MRNIP: variants seen among roughly 807,000 people sequenced by gnomAD.
The protein encoded by MRNIP is MRN complex interacting protein.
In MRNIP, 30 loss-of-function variants were observed where a neutral mutation model predicts 29.8. The observed-to-expected ratio is 1.01, with a 90% confidence interval of 0.75 to 1.36. The LOEUF is 1.36. Among genes scored for constraint, MRNIP ranks in the 40% most tolerant of loss-of-function variants. The pLI is 0.00. For missense variants in MRNIP, 459 were observed against 423.5 expected (o/e 1.08, Z -0.74); for synonymous variants, 201 against 164.1 (o/e 1.23, Z -1.72).
intron 6 of MRNIP, chr5:179,838,159 T>G (rs933258640): frequency 1.9e-6 from 1 of 520,902 alleles, no homozygotes; most frequent in African/African-American, 1.9e-5. Context: ...CTGGGGACCT[T>G]AGAATCAGGT....
chr5:179,851,146 A>C (rs1759349699), intron 2 of MRNIP: 1 of 448,296 alleles, frequency 2.2e-6, no homozygotes, highest in Admixed American at 2.4e-5. Context: ...CACACAGCAC[A>C]GAGGCATTGA....
chr5:179,845,251 G>A (rs1302507252), intron 3 of MRNIP, among the ~76,000 whole-genome samples: 1 of 151,522 alleles, frequency 6.6e-6, no homozygotes, highest in Non-Finnish European at 1.5e-5. Context: ...CCAGGCTGGT[G>A]TGCAGTGGCA....
At chr5:179,842,517 A>G (rs1416470830) in intron 4 of MRNIP, among the ~76,000 whole-genome samples, 2 of 111,030 alleles carry the variant, frequency 1.8e-5, no homozygotes, top group Admixed American at 8.0e-5. Flanking sequence ...CGTCTCTACT[A>G]AAAAAAAAAC....
At chr5:179,849,684 C>A (rs1182758782) in intron 2 of MRNIP, among the ~76,000 whole-genome samples, 12 of 150,746 alleles carry the variant, frequency 8.0e-5, no homozygotes, top group Admixed American at 7.3e-4. Context: ...TGCTATGGCA[C>A]AGGCAGATGG....
chr5:179,846,713 C>T (rs1181705875), intron 3 of MRNIP, among the ~76,000 whole-genome samples: 3 of 152,144 alleles, frequency 2.0e-5, no homozygotes, highest in African/African-American at 7.2e-5. Flanking sequence ...ATGTAAAAGG[C>T]TGAAAAACCA....
chr5:179,854,938 G>C (rs1189273080), intron 1 of MRNIP, among the ~76,000 whole-genome samples: 1 of 152,120 alleles, frequency 6.6e-6, no homozygotes, highest in Non-Finnish European at 1.5e-5. Context: ...GAACAAGCCA[G>C]GGTTGCCCGC....
At chr5:179,844,442 G>A (rs762776704) in intron 3 of MRNIP, 1 of 475,156 alleles carries the variant, frequency 2.1e-6, no homozygotes, top group Non-Finnish European at 3.8e-6. Context: ...GAAGGCAGAG[G>A]CTGCAGTGAG....
chr5:179,844,942 A>C (rs1759069272), intron 3 of MRNIP, among the ~76,000 whole-genome samples: 1 of 152,144 alleles, frequency 6.6e-6, no homozygotes, highest in Non-Finnish European at 1.5e-5. Context: ...GTGTTTCCTT[A>C]ATCTAAAAAT....
chr5:179,851,209 C>T (rs1014116976), intron 2 of MRNIP: 1 of 454,974 alleles, frequency 2.2e-6, no homozygotes, highest in East Asian at 6.9e-5. Flanking sequence ...ACATCTCAAA[C>T]AAGCCATGCT....
At chr5:179,853,193 G>C in intron 2 of MRNIP, 185 bp downstream of exon 2, 1 of 1,522,438 alleles carries the variant, frequency 6.6e-7, no homozygotes. Context: ...TCAAATGGCA[G>C]TACCTTTCCA....
chr5:179,851,953 A>G lies in MRNIP; in HGVS notation c.126+1425T>C, dbSNP rs540044376. On this transcript the variant is annotated intron_variant, in intron 2 of 6. Coordinates refer to ENST00000292586, the MANE Select transcript of MRNIP (RefSeq NM_016175.4). The stretch of plus-strand genomic sequence containing the variant: ...GATCGCACCACTGCACTCCAGCCTG[A>G]GTGACAGAGCGAGACTCCGTCTAAA... Among the ~76,000 whole-genome samples the G allele has an allele frequency of 1.3e-4, 19 of 150,120 alleles. 1 individual carries two copies. In the South Asian group the frequency reaches 3.0e-3, roughly 24 times the overall value.
chr5:179,838,028 T>G, intron 6 of MRNIP, 143 bp from the exon 7 acceptor site: 1 of 749,284 alleles, frequency 1.3e-6, no homozygotes, highest in Non-Finnish European at 2.1e-6. Context: ...AGGCTTTGAT[T>G]TTGAGGGTTA....
In MRNIP at chr5:179,837,501, T is replaced by C; in HGVS notation, c.922A>G (p.Arg308Gly). Residue 308 changes from arginine to glycine, a missense_variant, in exon 7 of 7, where the codon AGG becomes GGG. Arg to Gly is a moderately radical substitution (Grantham distance 125). Transcript: ENST00000292586. ...RPCGKTSWDA[R>G]TPWAEGGPLV... is the part of the protein sequence containing the mutation. ...GGCCCACCCTCTGCCCAGGGAGTCC[T>C]TGCGTCCCATGAGGTCTTCCCGCAA... is the stretch of plus-strand genomic sequence containing the variant. 3 of 1,614,166 alleles carry C rather than the reference T, an allele frequency of 1.9e-6. No individual in the cohort carries two copies. Among genetic ancestry groups the C allele is most frequent in the Non-Finnish European group, 2.5e-6 (3 of 1,180,002 alleles).
intron 5 of MRNIP, chr5:179,841,626 C>T (rs1408101148): frequency 4.9e-6 from 2 of 408,200 alleles, no homozygotes; most frequent in Non-Finnish European, 8.8e-6. Flanking sequence ...CCGACCTCTC[C>T]CCTGGGGTCA....
In MRNIP at chr5:179,837,730, T is replaced by C. The variant is rs1258676286; in HGVS notation, c.693A>G (p.Gln231=). The change falls in exon 7 of 7, where the codon CAA becomes CAG. Residue 231 remains glutamine (Q), a synonymous_variant. Coordinates refer to ENST00000292586, the MANE Select transcript of MRNIP (RefSeq NM_016175.4). Reference sequence around the variant, plus strand: ...AACTTTTTCTAGGTGGCAGGACAAATTGCGCCCATTTAGAGGATGTGGCTG... The same window carrying C: ...AACTTTTTCTAGGTGGCAGGACAAACTGCGCCCATTTAGAGGATGTGGCTG... ...QVTATSSKWA[Q]FVLPPRKSSH... 3.7e-6 allele frequency: 6 copies of C among 1,614,094 alleles called. No individual in the cohort carries two copies. Among genetic ancestry groups the C allele is most frequent in the East Asian group, 2.2e-5 (1 of 44,894 alleles).
chr5:179,837,302 G>A lies in MRNIP; in HGVS notation c.*89C>T. Reference sequence around the variant, plus strand: ...GATTGACAGTAAGTTTATTGTTAATGGTTCTTACAGAGTATCTTTAAAAGT... The same window carrying A: ...GATTGACAGTAAGTTTATTGTTAATAGTTCTTACAGAGTATCTTTAAAAGT... On this transcript the variant is annotated 3_prime_UTR_variant, in exon 7 of 7. Coordinates refer to ENST00000292586, the MANE Select transcript of MRNIP (RefSeq NM_016175.4). 6.2e-7 allele frequency: 1 copy of A among 1,601,270 alleles called. No homozygotes were observed. Among genetic ancestry groups the A allele is most frequent in the Non-Finnish European group, 8.5e-7 (1 of 1,174,078 alleles).
chr5:179,858,697 C>CGGA lies in MRNIP; in HGVS notation c.66+31_66+33dup, dbSNP rs760778471. The CGGA allele has an allele frequency of 8.6e-5, 118 of 1,365,134 alleles. 3 individuals carry two copies. In the South Asian group the frequency reaches 1.1e-3, roughly 13 times the overall value. 84.6% of individuals were successfully genotyped at this position (1,365,134 alleles called of 1,614,324 possible). ...CACTCCCCGTCCGCTGTCCCCGCGCCGGAGGAGGAGGAGGGGGCTGGCACC... is the reference window on the plus strand; with the variant it reads ...CACTCCCCGTCCGCTGTCCCCGCGCCGGAGGAGGAGGAGGAGGGGGCTGGCACC... On this transcript the variant is annotated intron_variant, in intron 1 of 6. Transcript: ENST00000292586.
intron 2 of MRNIP, among the ~76,000 whole-genome samples, chr5:179,852,819 T>C (rs1305397955): frequency 6.6e-6 from 1 of 152,062 alleles, no homozygotes; most frequent in Non-Finnish European, 1.5e-5. Flanking sequence ...GGAGGGGCAA[T>C]ACGGATGGAC....
chr5:179,837,427 G>A lies in MRNIP; in HGVS notation c.996C>T (p.Leu332=). The A allele has an allele frequency of 6.2e-7, 1 of 1,604,630 alleles. No individual in the cohort carries two copies. The highest frequency in any genetic ancestry group is 8.5e-7 in the Non-Finnish European group (1 of 1,174,718). Residue 332 remains leucine, a synonymous_variant, in exon 7 of 7, where the codon CTC becomes CTT. Transcript: ENST00000292586. ...QNPRPTRLCD[L]FITGEDFDDD... is the part of the protein sequence containing the mutation. ...CATCGAAGTCTTCCCCAGTTATAAA[G>A]AGGTCACATAGTCGTGTGGGTCGAG...
Sources: allele counts gnomAD v4.1 joint callset (sites outside exome capture counted in the v4.1 genomes callset), GRCh38; gene constraint gnomAD v4.1.1; transcripts MANE v1.5; gene names NCBI Gene and HGNC (gene_info 2026-07-23, HGNC 2026-07-21).